Variants in CDKL1 observed in about 807,000 individuals in gnomAD.
CDKL1 encodes the protein cyclin dependent kinase like 1, also known as cyclin-dependent kinase-like 1.
CDKL1 carries 41 observed loss-of-function variants against 42.0 expected under a neutral mutation model. The ratio of observed to expected loss-of-function variants is 0.98; its 90% CI spans 0.76 to 1.27. CDKL1 has a LOEUF of 1.27. CDKL1 is among the 50% of genes most tolerant of loss of function. The pLI, the probability that CDKL1 is intolerant of heterozygous loss-of-function variation, is 0.00. For missense variants in CDKL1, 394 were observed against 428.4 expected (o/e 0.92, Z 0.71); for synonymous variants, 153 against 158.6 (o/e 0.96, Z 0.26).
chr14:50,390,584 G>T (rs528173913), intron 2 of CDKL1: 8 of 266,232 alleles, frequency 3.0e-5, no homozygotes, highest in South Asian at 9.9e-5. Context: ...GTTTGTTTTG[G>T]TTTGTATTAC....
At chr14:50,376,217 C>T (rs180709855) in intron 2 of CDKL1, 45 of 300,894 alleles carry the variant, frequency 1.5e-4, no homozygotes, top group Admixed American at 3.8e-4. Flanking sequence ...TAAGATGTTA[C>T]TAAAAGATAA....
At chr14:50,362,948 C>G (rs1430286820) in intron 2 of CDKL1, 2 of 463,984 alleles carry the variant, frequency 4.3e-6, no homozygotes, top group Admixed American at 4.7e-5. Context: ...ATAAATCTTG[C>G]TGCTGCTCAC....
chr14:50,354,203 C>A (rs1213656159), intron 3 of CDKL1, among the ~76,000 whole-genome samples: 1 of 152,150 alleles, frequency 6.6e-6, no homozygotes, highest in Non-Finnish European at 1.5e-5. Context: ...GATCCGCCTA[C>A]CTCGGCCTCC....
At chr14:50,348,469 G>T (rs1163594836) in intron 3 of CDKL1, among the ~76,000 whole-genome samples, 1 of 152,216 alleles carries the variant, frequency 6.6e-6, no homozygotes, top group Non-Finnish European at 1.5e-5. Flanking sequence ...GAAAACAGGG[G>T]ATTAAAGGAC....
rs11570857 is a variant in CDKL1, at chr14:50,334,548, G to A, written c.795+17C>T. On this transcript the variant is annotated intron_variant, in intron 8 of 9. Coordinates refer to ENST00000395834, the MANE Select transcript of CDKL1 (RefSeq NM_004196.7). ...CTGCTGTGTGCTTCCTGGTCTGTTG[G>A]AAGCCATGATTTTTACCTTTAGGAG... The A allele has an allele frequency of 1.3e-3, 1,905 of 1,500,610 alleles. 25 individuals are homozygous for A. In the African/African-American group the frequency reaches 0.021, roughly 17 times the overall value. 93.0% of individuals were successfully genotyped at this position (1,500,610 alleles called of 1,614,324 possible).
chr14:50,352,984 T>G (rs1267829111), intron 3 of CDKL1, among the ~76,000 whole-genome samples: 1 of 152,234 alleles, frequency 6.6e-6, no homozygotes, highest in Non-Finnish European at 1.5e-5. Context: ...AATTTGACTC[T>G]TCATTGCTGT....
At chr14:50,388,000 G>A (rs1374529435) in intron 2 of CDKL1, among the ~76,000 whole-genome samples, 2 of 152,100 alleles carry the variant, frequency 1.3e-5, no homozygotes, top group African/African-American at 4.8e-5. Flanking sequence ...GGGTTCAAGC[G>A]ATTCTCCTGC....
intron 2 of CDKL1, among the ~76,000 whole-genome samples, chr14:50,367,210 CAG>C (rs766592310): frequency 6.6e-6 from 1 of 152,180 alleles, no homozygotes; most frequent in Non-Finnish European, 1.5e-5. Context: ...TCAGTGTTGA[CAG>C]ATGCTGCTGA....
At position 50,395,875 on chromosome 14, in the gene CDKL1, G is replaced by T. The variant is rs1487535393; in HGVS notation, c.-7C>A. Reference sequence around the variant, plus strand: ...TTTTTTCATACTTCTCCATCATAGAGGAATAAATCTTCTTAAAATGGATCT... The same window carrying T: ...TTTTTTCATACTTCTCCATCATAGATGAATAAATCTTCTTAAAATGGATCT... On this transcript the variant is annotated 5_prime_UTR_variant, in exon 2 of 10. Coordinates refer to ENST00000395834, the MANE Select transcript of CDKL1 (RefSeq NM_004196.7). 6.2e-7 allele frequency: 1 copy of T among 1,611,064 alleles called. No individual in the cohort carries two copies. The highest frequency in any genetic ancestry group is 2.2e-5 in the East Asian group (1 of 44,830).
intron 7 of CDKL1, chr14:50,335,442 G>A (rs2033212500): frequency 6.5e-7 from 1 of 1,528,438 alleles, no homozygotes; most frequent in East Asian, 2.4e-5. Flanking sequence ...ACTAGGGCCT[G>A]CTGCTTCCCT....
intron 3 of CDKL1, among the ~76,000 whole-genome samples, chr14:50,346,989 A>G (rs2033750094): frequency 6.6e-6 from 1 of 152,196 alleles, no homozygotes; most frequent in African/African-American, 2.4e-5. Context: ...GTACCAGGCA[A>G]CTTTAGTTCC....
chr14:50,394,602 G>T (rs1362739600), intron 2 of CDKL1, among the ~76,000 whole-genome samples: 1 of 152,192 alleles, frequency 6.6e-6, no homozygotes, highest in Non-Finnish European at 1.5e-5. Context: ...CTCTCATCAA[G>T]TAGCTCTTCC....
Position 50,326,526 on chromosome 14 carries a change from G to A in CDKL1, c.*3548C>T, listed in dbSNP as rs958562038. The stretch of plus-strand genomic sequence containing the variant: ...CATGCATTGCTTCAACAGGATTTGC[G>A]TGCATTTCCCATGATCCTGCATTCT... On this transcript the variant is annotated 3_prime_UTR_variant, in exon 10 of 10. Transcript: ENST00000395834. 2.0e-6 allele frequency: 2 copies of A among 985,248 alleles called. No homozygotes were observed. Among genetic ancestry groups the A allele is most frequent in the Non-Finnish European group, 2.4e-6 (2 of 829,928 alleles). The allele number at this position is 985,248 out of a possible 1,614,324, so 61.0% of individuals were successfully genotyped here. A position where few individuals can be genotyped will look rare whatever the true frequency, so the allele number is the denominator to read the frequency against.
At chr14:50,365,386 T>G (rs1428714407) in intron 2 of CDKL1, among the ~76,000 whole-genome samples, 2 of 152,178 alleles carry the variant, frequency 1.3e-5, no homozygotes, top group African/African-American at 4.8e-5. Context: ...AGCTGATAAC[T>G]TATCTCTCAA....
chr14:50,339,289 T>G (rs1221713389), intron 6 of CDKL1, among the ~76,000 whole-genome samples: 1 of 152,082 alleles, frequency 6.6e-6, no homozygotes, highest in Non-Finnish European at 1.5e-5. Flanking sequence ...GTTCTTGTTC[T>G]CAGAGCCTAC....
Position 50,334,573 on chromosome 14 carries a change from GC to G in CDKL1, c.786del (p.Leu263SerfsTer2). On this transcript the variant is annotated frameshift_variant, in exon 8 of 10. Coordinates refer to ENST00000395834, the MANE Select transcript of CDKL1 (RefSeq NM_004196.7). LOFTEE classifies it high-confidence loss of function. ...KFPNISYPAL[G>X]LLKGCLHMDP... ...GAAGCCATGATTTTTACCTTTAGGA[GC>G]CCCAGGGCAGGATAAGAGATGTTTG... 6.3e-7 allele frequency: 1 copy of G among 1,595,424 alleles called. No homozygotes were observed.
chr14:50,336,331 T>C (rs1233783087), intron 7 of CDKL1: 1 of 1,080,972 alleles, frequency 9.3e-7, no homozygotes, highest in African/African-American at 1.6e-5. Context: ...GCTTCTTACA[T>C]TTATGAAACC....
At chr14:50,344,003 T>A (rs2033642274) in intron 4 of CDKL1, among the ~76,000 whole-genome samples, 2 of 152,262 alleles carry the variant, frequency 1.3e-5, no homozygotes, top group East Asian at 1.9e-4. Flanking sequence ...AAATTGACCC[T>A]GGCAGTTGAG....
chr14:50,342,553 G>A lies in CDKL1; in HGVS notation c.364-331C>T, dbSNP rs187100272. ...ATTTTTTTAGGATAATACATCCCAT[G>A]AAGCACTTGGGATGTACTTATACTA... On this transcript the variant is annotated intron_variant, in intron 4 of 9. Coordinates refer to ENST00000395834, the MANE Select transcript of CDKL1 (RefSeq NM_004196.7). 482 of 419,540 alleles carry A rather than the reference G, an allele frequency of 1.1e-3. 1 individual carries two copies. The highest frequency in any genetic ancestry group is 5.1e-3 in the Middle Eastern group (5 of 986). 26.0% of individuals were successfully genotyped at this position (419,540 alleles called of 1,614,324 possible).
Sources: gnomAD v4.1 joint callset for allele counts (sites outside exome capture counted in the v4.1 genomes callset) on GRCh38, gnomAD v4.1.1 for gene constraint, MANE v1.5 for transcripts, NCBI Gene and HGNC (gene_info 2026-07-23, HGNC 2026-07-21) for gene names.